Variants in RAD50 observed in about 807,000 individuals in gnomAD.
RAD50 encodes the protein RAD50 double strand break repair protein, also known as DNA repair protein RAD50.
RAD50 carries 132 observed loss-of-function variants against 168.8 expected under a neutral mutation model. The ratio of observed to expected loss-of-function variants is 0.78; its 90% confidence interval spans 0.68 to 0.90. The LOEUF (loss-of-function observed/expected upper bound fraction) is 0.90. RAD50 is among the 40% of genes least tolerant of loss of function. RAD50 has a pLI of 0.00. For missense variants in RAD50, 1,347 were observed against 1,534.4 expected (o/e 0.88, Z 2.04); for synonymous variants, 525 against 497.4 (o/e 1.06, Z -0.74).
intron 2 of RAD50, among the ~76,000 whole-genome samples, chr5:132,559,795 A>T (rs1470627879): frequency 1.3e-5 from 2 of 152,148 alleles, no homozygotes; most frequent in Non-Finnish European, 2.9e-5. Flanking sequence ...TACCATGATA[A>T]GCCAGGCTTG....
chr5:132,585,190 G>A (rs538796913), intron 5 of RAD50, among the ~76,000 whole-genome samples: 7 of 152,080 alleles, frequency 4.6e-5, no homozygotes, highest in East Asian at 1.9e-4. Context: ...TTTAGGACTC[G>A]GGTTGCTAGG....
chr5:132,579,473 A>G lies in RAD50; in HGVS notation c.522A>G (p.Gln174=). Residue 174 remains glutamine, a synonymous_variant, in exon 4 of 25, where the codon CAA becomes CAG. Coordinates refer to ENST00000378823, the MANE Select transcript of RAD50 (RefSeq NM_005732.4). Reference sequence around the variant, plus strand: ...TAAGTGAAGGAAAGGCTTTGAAGCAAAAGTTTGATGAGATTTTTTCAGCAA... The same window carrying G: ...TAAGTGAAGGAAAGGCTTTGAAGCAGAAGTTTGATGAGATTTTTTCAGCAA... ...WPLSEGKALK[Q]KFDEIFSATR... 3 of 1,613,788 alleles carry G rather than the reference A, an allele frequency of 1.9e-6. No individual in the cohort carries two copies. Among genetic ancestry groups the G allele is most frequent in the South Asian group, 2.2e-5 (2 of 91,054 alleles).
chr5:132,602,166 G>A (rs183349578), intron 13 of RAD50, among the ~76,000 whole-genome samples: 1 of 151,896 alleles, frequency 6.6e-6, no homozygotes, highest in African/African-American at 2.4e-5. Flanking sequence ...AAAACTATAG[G>A]TCTGTTGCCA....
intron 2 of RAD50, among the ~76,000 whole-genome samples, chr5:132,572,193 T>G (rs75105374): frequency 0.041 from 6,179 of 152,206 alleles, 351 homozygotes; most frequent in African/African-American, 0.13. Flanking sequence ...TGATAAAAAC[T>G]CTCAGCATAA....
chr5:132,573,861 G>A (rs1233991528), intron 2 of RAD50, among the ~76,000 whole-genome samples: 4 of 152,216 alleles, frequency 2.6e-5, no homozygotes, highest in African/African-American at 9.6e-5. Flanking sequence ...GCTCCAGAAT[G>A]ATCTCCTTTG....
At chr5:132,632,365 A>G (rs1751490548) in intron 21 of RAD50, among the ~76,000 whole-genome samples, 1 of 152,214 alleles carries the variant, frequency 6.6e-6, no homozygotes, top group Admixed American at 6.5e-5. Context: ...TCAGCCCTTA[A>G]GAATTATTAA....
intron 21 of RAD50, among the ~76,000 whole-genome samples, chr5:132,623,630 TAA>T (rs1422394109): frequency 6.6e-6 from 1 of 152,258 alleles, no homozygotes; most frequent in East Asian, 1.9e-4. Flanking sequence ...GAATTTAAAA[TAA>T]GTTTTGTTAT....
At chr5:132,573,736 T>TG (rs1750346868) in intron 2 of RAD50, among the ~76,000 whole-genome samples, 1 of 152,178 alleles carries the variant, frequency 6.6e-6, no homozygotes, top group Non-Finnish European at 1.5e-5. Context: ...TTAGATACAA[T>TG]GGGGATACAG....
chr5:132,631,915 C>T (rs1751482143), intron 21 of RAD50, among the ~76,000 whole-genome samples: 1 of 152,308 alleles, frequency 6.6e-6, no homozygotes, highest in African/African-American at 2.4e-5. Flanking sequence ...TAACTCTCAC[C>T]TATTACCGTG....
chr5:132,608,808 A>C (rs1331724485), intron 17 of RAD50, 83 bp downstream of exon 17: 27 of 1,487,148 alleles, frequency 1.8e-5, no homozygotes, highest in Middle Eastern at 2.5e-4. Context: ...CTTATTTCAC[A>C]TGAAATTAAA....
intron 2 of RAD50, among the ~76,000 whole-genome samples, chr5:132,574,448 C>T (rs1324804421): frequency 1.3e-5 from 2 of 152,188 alleles, no homozygotes; most frequent in South Asian, 4.1e-4. Context: ...GCCTGGCCCA[C>T]GAAACTATTT....
chr5:132,636,468 A>T (rs186597143), intron 21 of RAD50, among the ~76,000 whole-genome samples: 134 of 152,334 alleles, frequency 8.8e-4, no homozygotes, highest in African/African-American at 3.1e-3. Context: ...AAGGAAAGGT[A>T]AAATAAAATT....
intron 16 of RAD50, among the ~76,000 whole-genome samples, chr5:132,605,845 A>G (rs1750976234): frequency 6.6e-6 from 1 of 152,246 alleles, no homozygotes; most frequent in African/African-American, 2.4e-5. Flanking sequence ...CCGCACAACT[A>G]CAAGGAAACT....
At chr5:132,573,550 T>G (rs1750343517) in intron 2 of RAD50, among the ~76,000 whole-genome samples, 2 of 152,182 alleles carry the variant, frequency 1.3e-5, no homozygotes. Context: ...ATTCCACCCC[T>G]GGCCCCTCCC....
intron 2 of RAD50, among the ~76,000 whole-genome samples, chr5:132,572,055 C>G (rs1192891348): frequency 6.6e-6 from 1 of 151,946 alleles, no homozygotes; most frequent in East Asian, 1.9e-4. Flanking sequence ...CGTACTGGGA[C>G]AAGTGAATTA....
intron 13 of RAD50, chr5:132,600,286 A>T (rs923700333): frequency 1.3e-5 from 2 of 152,344 alleles, no homozygotes; most frequent in South Asian, 4.1e-4. Flanking sequence ...AGATAAGGGA[A>T]TAGGGACTAG....
chr5:132,615,515 A>G (rs1751160072), intron 19 of RAD50, among the ~76,000 whole-genome samples: 1 of 152,176 alleles, frequency 6.6e-6, no homozygotes, highest in African/African-American at 2.4e-5. Flanking sequence ...AAGTTGGGGA[A>G]GACTTCAGTA....
Position 132,575,865 on chromosome 5 carries a change from T to C in RAD50, c.302T>C (p.Val101Ala), listed in dbSNP as rs1223897876. 1 of 1,608,528 alleles carries C rather than the reference T, an allele frequency of 6.2e-7. No homozygotes were observed. The highest frequency in any genetic ancestry group is 1.3e-5 in the African/African-American group (1 of 74,808). ...CTTATAGCTGTGCAAAGATCTATGGTGTGTACTCAGAAAAGCAAAAAGACA... is the reference window on the plus strand; with the variant it reads ...CTTATAGCTGTGCAAAGATCTATGGCGTGTACTCAGAAAAGCAAAAAGACA... The part of the protein sequence containing the change: ...GELIAVQRSM[V>A]CTQKSKKTEF... Residue 101 changes from valine to alanine, a missense_variant, in exon 3 of 25, where the codon GTG becomes GCG. This residue lies in a region of RAD50 where 703 missense variants were observed against 767.7 expected (regional missense o/e 0.92). Coordinates refer to ENST00000378823, the MANE Select transcript of RAD50 (RefSeq NM_005732.4).
chr5:132,584,189 T>A (rs6898898), intron 5 of RAD50, among the ~76,000 whole-genome samples: 48,459 of 151,972 alleles, frequency 0.32, 9,841 homozygotes, highest in African/African-American at 0.59. Flanking sequence ...CTGATTTTTA[T>A]TGATCGCCAT....
Sources: allele counts gnomAD v4.1 joint callset (sites outside exome capture counted in the v4.1 genomes callset), GRCh38; gene constraint gnomAD v4.1.1; regional missense constraint gnomAD v4.1.1; transcripts MANE v1.5; gene names NCBI Gene and HGNC (gene_info 2026-07-23, HGNC 2026-07-21).